The following CBR4 variants were observed in gnomAD, a reference collection of about 807,000 sequenced individuals.
CBR4 encodes 3-oxoacyl-[acyl-carrier-protein] reductase.
CBR4 carries 22 observed loss-of-function variants against 21.0 expected under a neutral mutation model. That is an observed-to-expected ratio of 1.05 (90% confidence interval 0.75 to 1.50). CBR4 has a LOEUF of 1.50. Ranked by LOEUF, CBR4 falls within the 40% of genes most tolerant of loss-of-function variation. CBR4 has a pLI of 0.00. For missense variants in CBR4, 302 were observed against 286.3 expected (o/e 1.05, Z -0.40); for synonymous variants, 100 against 104.4 (o/e 0.96, Z 0.26).
intron 2 of CBR4, among the ~76,000 whole-genome samples, chr4:168,921,145 C>T (rs1291497317): frequency 6.6e-6 from 1 of 152,092 alleles, no homozygotes; most frequent in Non-Finnish European, 1.5e-5. Flanking sequence ...ATGGCTCATG[C>T]TTGTAATCCC....
chr4:168,934,667 A>T (rs1303502622), intron 2 of CBR4, among the ~76,000 whole-genome samples: 1 of 152,146 alleles, frequency 6.6e-6, no homozygotes, highest in Non-Finnish European at 1.5e-5. Flanking sequence ...AAAAGTAATG[A>T]TAATAAATCA....
rs538186059 is a variant in CBR4 at position 168,904,512 on chromosome 4, C to T, written n.170-9747G>A. Among the ~76,000 whole-genome samples the T allele has an allele frequency of 1.3e-3, 199 of 152,138 alleles. 1 individual carries two copies. The highest frequency in any genetic ancestry group is 4.6e-3 in the African/African-American group (189 of 41,502). On this transcript the variant is annotated intron_variant and non_coding_transcript_variant, in intron 2 of 3. Transcript: ENST00000509108. ...GCTGCTGGGTATCATGTTGCCAGTT[C>T]GAGCCTGCAAATTCTTTTTTATTAT... is the stretch of plus-strand genomic sequence containing the variant.
At chr4:168,942,694 A>G (rs1370216626) in intron 2 of CBR4, among the ~76,000 whole-genome samples, 1 of 152,180 alleles carries the variant, frequency 6.6e-6, no homozygotes, top group African/African-American at 2.4e-5. Flanking sequence ...GACAACCTAC[A>G]CAATGGAAGA....
Position 168,990,074 on chromosome 4 carries a change from GTAGGTA to G in CBR4, c.*70_*75del, listed in dbSNP as rs1323092895. 7.2e-7 allele frequency: 1 copy of G among 1,387,524 alleles called. No homozygotes were observed. Among genetic ancestry groups the G allele is most frequent in the East Asian group, 2.7e-5 (1 of 37,196 alleles). 86.0% of individuals were successfully genotyped at this position (1,387,524 alleles called of 1,614,324 possible). On this transcript the variant is annotated 3_prime_UTR_variant, in exon 5 of 5. Coordinates refer to ENST00000306193, the MANE Select transcript of CBR4 (RefSeq NM_032783.5). ...GGTTTGATTAGCACATGTTACCCATGTAGGTATAATTGTCTAATCAGTAGCCAAAGT... is the reference window on the plus strand; with the variant it reads ...GGTTTGATTAGCACATGTTACCCATGTAATTGTCTAATCAGTAGCCAAAGT...
intron 2 of CBR4, among the ~76,000 whole-genome samples, chr4:168,908,724 A>C (rs1387195039): frequency 6.6e-6 from 1 of 152,166 alleles, no homozygotes; most frequent in East Asian, 1.9e-4. Flanking sequence ...AAATGAAATA[A>C]CCAAGGAAAA....
At chr4:168,971,671 A>G (rs1457172464) in intron 2 of CBR4, among the ~76,000 whole-genome samples, 1 of 151,912 alleles carries the variant, frequency 6.6e-6, no homozygotes, top group Non-Finnish European at 1.5e-5. Flanking sequence ...TGCTGATTTG[A>G]GTTCCTGTAG....
chr4:168,918,590 A>G (rs367991666), intron 2 of CBR4, among the ~76,000 whole-genome samples: 30 of 152,200 alleles, frequency 2.0e-4, no homozygotes, highest in East Asian at 1.7e-3. Flanking sequence ...GACAGGAAGA[A>G]TAAGTTCAAG....
At chr4:168,933,660 T>C (rs975063177) in intron 2 of CBR4, among the ~76,000 whole-genome samples, 1 of 152,188 alleles carries the variant, frequency 6.6e-6, no homozygotes, top group African/African-American at 2.4e-5. Flanking sequence ...ACAGACTAAA[T>C]GGACCTAACA....
At chr4:168,907,783 A>T (rs557726710) in intron 2 of CBR4, among the ~76,000 whole-genome samples, 2 of 152,098 alleles carry the variant, frequency 1.3e-5, no homozygotes, top group African/African-American at 2.4e-5. Context: ...AGAATATCCT[A>T]TCCAACCTGT....
At chr4:168,998,039 T>G (rs955212078) in intron 4 of CBR4, among the ~76,000 whole-genome samples, 5 of 152,224 alleles carry the variant, frequency 3.3e-5, no homozygotes, top group Admixed American at 2.0e-4. Context: ...TTAGAATATC[T>G]TCTCTGAGTA....
chr4:168,903,884 C>T (rs1465496279), intron 2 of CBR4: 2 of 1,613,996 alleles, frequency 1.2e-6, no homozygotes, highest in Non-Finnish European at 1.7e-6. Flanking sequence ...GGGAATTATA[C>T]AATTATGGCT....
chr4:168,933,903 C>T (rs1718141938), intron 2 of CBR4, among the ~76,000 whole-genome samples: 1 of 152,078 alleles, frequency 6.6e-6, no homozygotes, highest in African/African-American at 2.4e-5. Context: ...ACAACATGCT[C>T]CTGACTGACC....
intron 4 of CBR4, among the ~76,000 whole-genome samples, chr4:168,996,377 G>A (rs530880486): frequency 3.9e-5 from 6 of 151,926 alleles, no homozygotes; most frequent in South Asian, 2.1e-4. Flanking sequence ...TGAACACAAC[G>A]TTCAGATAGA....
chr4:168,997,035 A>G (rs1047978576), intron 4 of CBR4, among the ~76,000 whole-genome samples: 2 of 152,156 alleles, frequency 1.3e-5, no homozygotes, highest in Admixed American at 6.6e-5. Context: ...CCTTGGCCCC[A>G]AAGGACTCTC....
intron 2 of CBR4, among the ~76,000 whole-genome samples, chr4:168,945,467 T>C (rs561540074): frequency 1.3e-5 from 2 of 152,342 alleles, no homozygotes; most frequent in South Asian, 4.1e-4. Flanking sequence ...TGTTCTCTGC[T>C]AATGAGATTA....
intron 2 of CBR4, among the ~76,000 whole-genome samples, chr4:168,941,282 A>C (rs1291780998): frequency 6.6e-6 from 1 of 152,178 alleles, no homozygotes; most frequent in Non-Finnish European, 1.5e-5. Flanking sequence ...CTATGTAACA[A>C]ACCTGCACGT....
At position 168,927,954 on chromosome 4, in the gene CBR4, T is replaced by C. The variant is rs568499819; in HGVS notation, n.170-33189A>G. 2.0e-5 allele frequency: 4 copies of C among 198,280 alleles called. No homozygotes were observed. In the East Asian group the frequency reaches 3.2e-4, roughly 16 times the overall value. The allele number at this position is 198,280 out of a possible 1,614,324, so 12.3% of individuals were successfully genotyped here. On this transcript the variant is annotated intron_variant and non_coding_transcript_variant, in intron 2 of 3. Coordinates refer to the CBR4 transcript ENST00000509108. The stretch of plus-strand genomic sequence containing the variant: ...GGCCTCTCTTAGCTCAGTTACTCAA[T>C]TCATACGTAGTATTTTTTAAAATAA...
chr4:168,918,222 G>A (rs1454899403), intron 2 of CBR4, among the ~76,000 whole-genome samples: 12 of 150,778 alleles, frequency 8.0e-5, no homozygotes, highest in Non-Finnish European at 1.8e-4. Flanking sequence ...AATGAAATCA[G>A]TAGCAATATC....
intron 2 of CBR4, among the ~76,000 whole-genome samples, chr4:168,934,273 CAAAAAAAACAA>C (rs1763043500): frequency 2.8e-4 from 3 of 10,666 alleles, no homozygotes; most frequent in Admixed American, 2.6e-3. Context: ...ACTAGAAAAG[CAAAAAAAACAA>C]AAAAAAAAAA....
Sources: allele counts gnomAD v4.1 joint callset (sites outside exome capture counted in the v4.1 genomes callset), GRCh38; gene constraint gnomAD v4.1.1; transcripts MANE v1.5; gene names NCBI Gene and HGNC (gene_info 2026-07-23, HGNC 2026-07-21).